SLC17A3: variants seen among roughly 807,000 people sequenced by gnomAD.
SLC17A3 encodes the protein sodium-dependent phosphate transport protein 4.
A neutral mutation model predicts 60.3 loss-of-function variants in SLC17A3; 61 were observed. That is an observed-to-expected ratio of 1.01 (90% CI 0.82 to 1.25). The LOEUF (loss-of-function observed/expected upper bound fraction) is 1.25, where lower values mean the gene tolerates loss of function less well. SLC17A3 is among the 50% of genes most tolerant of loss of function. The probability of loss-of-function intolerance (pLI) is 0.00; values close to 1 mark genes in which losing one functional copy is unlikely to be tolerated. For missense variants in SLC17A3, 624 were observed against 594.9 expected, an observed-to-expected ratio of 1.05 and a Z score of -0.51; for synonymous variants, 192 against 208.9, an observed-to-expected ratio of 0.92 and a Z score of 0.70.
At chr6:25,867,659 G>C (rs1391111404) in intron 2 of SLC17A3, among the ~76,000 whole-genome samples, 1 of 151,750 alleles carries the variant, frequency 6.6e-6, no homozygotes, top group Admixed American at 6.6e-5. Context: ...TAAATATCCA[G>C]TCACAAGAAG....
Position 25,862,241 on chromosome 6 carries a change from G to A in SLC17A3, c.295C>T (p.Pro99Ser). The change falls in exon 3 of 13, where the codon CCT (proline) becomes TCT (serine). Residue 99 changes from proline to serine, a missense_variant. Coordinates refer to ENST00000397060, the MANE Select transcript of SLC17A3 (RefSeq NM_001098486.2). ...GGLSKAPKSL[P>S]AKAPVYDWSP... ...TATCTTATGTTGCTTACCTTTGCAG[G>A]AAGACTCTTTGGGGCTTTACTTAGG... 2 of 1,612,116 alleles carry A rather than the reference G, an allele frequency of 1.2e-6. No homozygotes were observed. Among genetic ancestry groups the A allele is most frequent in the South Asian group, 1.1e-5 (1 of 91,008 alleles).
chr6:25,853,293 T>TTCTC (rs58714145), intron 6 of SLC17A3, among the ~76,000 whole-genome samples: 36,877 of 150,822 alleles, frequency 0.24, 4,708 homozygotes, highest in African/African-American at 0.31. Context: ...TTATCTCTCT[T>TTCTC]TCTCTCTCTC....
chr6:25,859,142 G>C (rs1765406385), intron 5 of SLC17A3, among the ~76,000 whole-genome samples: 1 of 152,260 alleles, frequency 6.6e-6, no homozygotes. Flanking sequence ...GGATAGATGA[G>C]ATTCATAAAC....
intron 6 of SLC17A3, among the ~76,000 whole-genome samples, chr6:25,852,428 T>A (rs950574219): frequency 1.1e-4 from 17 of 152,170 alleles, no homozygotes; most frequent in Admixed American, 1.1e-3. Flanking sequence ...CTTCAAATAT[T>A]TTTGAAAAAT....
At chr6:25,868,546 T>C in intron 1 of SLC17A3, 126 bp from the exon 2 acceptor site, 1 of 655,922 alleles carries the variant, frequency 1.5e-6, no homozygotes, top group Non-Finnish European at 2.7e-6. Flanking sequence ...ACAGGGAGGC[T>C]CATTATCCCC....
At chr6:25,873,776 A>T (rs916851327) in intron 1 of SLC17A3, among the ~76,000 whole-genome samples, 2 of 152,090 alleles carry the variant, frequency 1.3e-5, no homozygotes, top group African/African-American at 4.8e-5. Flanking sequence ...AGTCTACATC[A>T]ATCCCAGATG....
intron 11 of SLC17A3, 129 bp from the exon 12 acceptor site, chr6:25,845,645 T>G (rs989976164): frequency 1.9e-6 from 2 of 1,067,668 alleles, no homozygotes; most frequent in Admixed American, 1.8e-5. Context: ...GAAAGTGGCT[T>G]GATAGTTAAA....
chr6:25,853,285 ATC>A (rs1765308217), intron 6 of SLC17A3, among the ~76,000 whole-genome samples: 1 of 135,290 alleles, frequency 7.4e-6, no homozygotes, highest in Non-Finnish European at 1.6e-5. Context: ...CTCTCTGTTT[ATC>A]TCTCTTTCTC....
Position 25,866,757 on chromosome 6 carries a change from A to G in SLC17A3, c.91+1540T>C, listed in dbSNP as rs77291287. On this transcript the variant is annotated intron_variant, in intron 2 of 12. Coordinates refer to ENST00000397060, the MANE Select transcript of SLC17A3 (RefSeq NM_001098486.2). Reference sequence around the variant, plus strand: ...GAAAAATCTAAGGAACAATAGAAAAACATCCAAAAGAATCATGCAGTGTGT... The same window carrying G: ...GAAAAATCTAAGGAACAATAGAAAAGCATCCAAAAGAATCATGCAGTGTGT... Among the ~76,000 whole-genome samples the G allele has an allele frequency of 4.8e-3, 727 of 152,116 alleles. 4 individuals are homozygous for G. The highest frequency in any genetic ancestry group is 0.014 in the African/African-American group (576 of 41,544).
chr6:25,860,441 A>G (rs1449472095), intron 5 of SLC17A3, among the ~76,000 whole-genome samples: 2 of 152,146 alleles, frequency 1.3e-5, no homozygotes, highest in African/African-American at 4.8e-5. Flanking sequence ...CCCCAGGATC[A>G]TCAGAAATGG....
At chr6:25,850,025 T>A in intron 9 of SLC17A3, 23 bp downstream of exon 9, 4 of 1,614,016 alleles carry the variant, frequency 2.5e-6, no homozygotes, top group Non-Finnish European at 3.4e-6. Context: ...GCAAATTATC[T>A]GACCCTCAAG....
intron 2 of SLC17A3, among the ~76,000 whole-genome samples, chr6:25,868,053 A>T (rs2151527551): frequency 6.6e-6 from 1 of 152,024 alleles, no homozygotes; most frequent in Non-Finnish European, 1.5e-5. Context: ...TGTGTAGACA[A>T]TTCAGTAGCA....
intron 2 of SLC17A3, 32 bp from the exon 3 acceptor site, chr6:25,862,476 T>A (rs1765468267): frequency 6.5e-7 from 1 of 1,547,418 alleles, no homozygotes; most frequent in East Asian, 2.2e-5. Flanking sequence ...ATTAGTGTTT[T>A]TTAAAATTGA....
At chr6:25,865,803 T>C (rs1042219417) in intron 2 of SLC17A3, among the ~76,000 whole-genome samples, 2 of 152,000 alleles carry the variant, frequency 1.3e-5, no homozygotes, top group African/African-American at 4.8e-5. Flanking sequence ...TTAAATTTTT[T>C]TGTGATCACC....
Position 25,845,471 on chromosome 6 carries a change from C to A in SLC17A3, c.1408G>T (p.Val470Phe). ...WRNVFFLLFA[V>F]NLLGLLFYLI... is the part of the protein sequence containing the mutation. Reference sequence around the variant, plus strand: ...TAGAAGAGTAGTCCTAACAGGTTAACGGCAAACAGCAAGAAGAAGACATTC... The same window carrying A: ...TAGAAGAGTAGTCCTAACAGGTTAAAGGCAAACAGCAAGAAGAAGACATTC... The change falls in exon 12 of 13, where the codon GTT becomes TTT. Residue 470 changes from valine to phenylalanine, a missense_variant. Coordinates refer to ENST00000397060, the MANE Select transcript of SLC17A3 (RefSeq NM_001098486.2). The A allele has an allele frequency of 6.2e-7, 1 of 1,614,024 alleles. No individual in the cohort carries two copies. The highest frequency in any genetic ancestry group is 8.5e-7 in the Non-Finnish European group (1 of 1,179,944).
At chr6:25,862,080 C>G in intron 3 of SLC17A3, 51 bp from the exon 4 acceptor site, 3 of 1,479,540 alleles carry the variant, frequency 2.0e-6, no homozygotes, top group Non-Finnish European at 2.8e-6. Flanking sequence ...AAGGTTCTTA[C>G]ATACCCTAGA....
At chr6:25,848,811 C>T (rs1053240057) in intron 11 of SLC17A3, among the ~76,000 whole-genome samples, 1 of 152,180 alleles carries the variant, frequency 6.6e-6, no homozygotes, top group African/African-American at 2.4e-5. Context: ...AGACAACCCA[C>T]AGGCTGGGAG....
At chr6:25,861,290 T>C (rs1366950520) in intron 5 of SLC17A3, among the ~76,000 whole-genome samples, 1 of 151,278 alleles carries the variant, frequency 6.6e-6, no homozygotes, top group Non-Finnish European at 1.5e-5. Flanking sequence ...GATAAAACCA[T>C]ATAAACTGAA....
intron 1 of SLC17A3, among the ~76,000 whole-genome samples, chr6:25,872,713 G>T (rs1048585939): frequency 6.6e-6 from 1 of 151,536 alleles, no homozygotes; most frequent in Admixed American, 6.6e-5. Context: ...GGGTACTCTT[G>T]CTAAGATGAC....
Sources: allele counts gnomAD v4.1 joint callset (sites outside exome capture counted in the v4.1 genomes callset), GRCh38; gene constraint gnomAD v4.1.1; transcripts MANE v1.5; gene names NCBI Gene and HGNC (gene_info 2026-07-23, HGNC 2026-07-21).